CTNND2: variants seen among roughly 807,000 people sequenced by gnomAD.
CTNND2 encodes catenin delta 2.
In CTNND2, 22 loss-of-function variants were observed where a neutral mutation model predicts 144.4. That is an observed-to-expected ratio of 0.15 (90% CI 0.11 to 0.22). CTNND2 has a LOEUF of 0.22. Among genes scored for constraint, CTNND2 ranks in the 10% least tolerant of loss-of-function variants. The probability of loss-of-function intolerance (pLI) is 1.00; values close to 1 mark genes in which losing one functional copy is unlikely to be tolerated. For synonymous variants in CTNND2, 751 were observed against 695.6 expected (o/e 1.08, Z -1.25); for missense variants, 1,353 against 1,618.8 (o/e 0.84, Z 2.82).
chr5:11,792,440 A>G (rs1791185792), intron 1 of CTNND2, among the ~76,000 whole-genome samples: 1 of 152,234 alleles, frequency 6.6e-6, no homozygotes, highest in African/African-American at 2.4e-5. Context: ...TAAGTAATTC[A>G]AAAGTATTGG....
At chr5:11,013,340 C>G (rs866392838) in intron 18 of CTNND2, among the ~76,000 whole-genome samples, 2 of 152,168 alleles carry the variant, frequency 1.3e-5, no homozygotes, top group South Asian at 2.1e-4. Flanking sequence ...AATTGGCATG[C>G]AATTATCTCA....
At chr5:11,532,825 C>T (rs1561523280) in intron 3 of CTNND2, among the ~76,000 whole-genome samples, 1 of 152,184 alleles carries the variant, frequency 6.6e-6, no homozygotes, top group Non-Finnish European at 1.5e-5. Context: ...TCAGATGTTA[C>T]AGCAAGTGAC....
rs61753302 is a variant in CTNND2, at chr5:11,159,560, G to A, written c.2159+16C>T. The A allele has an allele frequency of 9.9e-4, 1,569 of 1,582,458 alleles. 9 individuals are homozygous for A. In the East Asian group the frequency reaches 0.018, roughly 18 times the overall value. On this transcript the variant is annotated intron_variant, in intron 12 of 21. Transcript: ENST00000304623. ...GGGAAGATGGTGGGAGGAGGCACTC[G>A]TGACACAGGACTGACCTTAGGCACC... is the stretch of plus-strand genomic sequence containing the variant.
rs150688239 is a variant in CTNND2 at position 11,687,717 on chromosome 5, C to T, written c.174+44419G>A. 2.8e-3 allele frequency among the ~76,000 whole-genome samples: 432 copies of T among 152,268 alleles called. 2 individuals carry two copies. The highest frequency in any genetic ancestry group is 9.4e-3 in the African/African-American group (392 of 41,552). ...TCACAAGAGGGGAAAAATCTTAGCC[C>T]TCATGGAGCACGTGTTCTAGTGGAG... On this transcript the variant is annotated intron_variant, in intron 2 of 21. Coordinates refer to ENST00000304623, the MANE Select transcript of CTNND2 (RefSeq NM_001332.4).
intron 3 of CTNND2, among the ~76,000 whole-genome samples, chr5:11,496,863 G>A (rs1210404048): frequency 2.0e-5 from 3 of 152,230 alleles, no homozygotes; most frequent in South Asian, 4.1e-4. Context: ...CCATAAAGCA[G>A]GACTGGTGAC....
intron 3 of CTNND2, among the ~76,000 whole-genome samples, chr5:11,433,873 G>T (rs1199506777): frequency 6.6e-6 from 1 of 152,188 alleles, no homozygotes; most frequent in Non-Finnish European, 1.5e-5. Context: ...CAAATAGGTG[G>T]TTGTGTAAAA....
At chr5:11,902,386 G>C (rs1737983281) in intron 1 of CTNND2, among the ~76,000 whole-genome samples, 1 of 152,140 alleles carries the variant, frequency 6.6e-6, no homozygotes, top group African/African-American at 2.4e-5. Flanking sequence ...GCCATAACTT[G>C]ATATGAGTCA....
chr5:11,030,673 C>A (rs1204757173), intron 16 of CTNND2, among the ~76,000 whole-genome samples: 12 of 148,812 alleles, frequency 8.1e-5, no homozygotes, highest in African/African-American at 2.7e-4. Context: ...TCCTTTAATT[C>A]TTTGAACATC....
intron 2 of CTNND2, among the ~76,000 whole-genome samples, chr5:11,726,884 G>T (rs1027919627): frequency 4.6e-5 from 7 of 152,160 alleles, no homozygotes; most frequent in South Asian, 4.1e-4. Context: ...GTATATAAGT[G>T]TCCTGAGAAG....
chr5:11,102,176 C>T (rs147276159), intron 14 of CTNND2, among the ~76,000 whole-genome samples: 169 of 152,130 alleles, frequency 1.1e-3, no homozygotes, highest in African/African-American at 3.7e-3. Context: ...TATATTTTAA[C>T]GAATAAAATT....
At chr5:11,497,894 C>G (rs994613948) in intron 3 of CTNND2, among the ~76,000 whole-genome samples, 3 of 152,102 alleles carry the variant, frequency 2.0e-5, no homozygotes, top group Non-Finnish European at 2.9e-5. Flanking sequence ...TAATGTGATT[C>G]AGCCAATGGG....
intron 1 of CTNND2, among the ~76,000 whole-genome samples, chr5:11,897,931 C>T (rs1737526766): frequency 6.6e-6 from 1 of 152,222 alleles, no homozygotes. Flanking sequence ...GCTGGCCTCT[C>T]TCCAGCTTTT....
At chr5:11,900,963 T>C (rs1348240104) in intron 1 of CTNND2, among the ~76,000 whole-genome samples, 3 of 152,120 alleles carry the variant, frequency 2.0e-5, no homozygotes, top group Admixed American at 6.5e-5. Context: ...GAAGTGAAAA[T>C]AATGTTCGCA....
At chr5:11,901,148 C>G (rs1397769709) in intron 1 of CTNND2, among the ~76,000 whole-genome samples, 1 of 152,128 alleles carries the variant, frequency 6.6e-6, no homozygotes, top group African/African-American at 2.4e-5. Context: ...TAAATTATTT[C>G]AAATGTAATG....
At chr5:11,381,385 G>C (rs936409031) in intron 7 of CTNND2, among the ~76,000 whole-genome samples, 1 of 152,150 alleles carries the variant, frequency 6.6e-6, no homozygotes, top group Non-Finnish European at 1.5e-5. Context: ...TTCTCCACAA[G>C]ACTTACAAGG....
intron 19 of CTNND2, 147 bp downstream of exon 19, chr5:10,992,404 G>A: frequency 8.7e-7 from 1 of 1,149,584 alleles, no homozygotes; most frequent in Non-Finnish European, 1.3e-6. Flanking sequence ...GGCCACCACA[G>A]TACAAAGAAC....
chr5:11,612,052 A>T (rs1439242442), intron 2 of CTNND2, among the ~76,000 whole-genome samples: 1 of 121,106 alleles, frequency 8.3e-6, no homozygotes, highest in Non-Finnish European at 1.8e-5. Flanking sequence ...TCCTAATATC[A>T]GGGGTTCACC....
intron 2 of CTNND2, among the ~76,000 whole-genome samples, chr5:11,621,888 T>G (rs1780862619): frequency 6.6e-6 from 1 of 152,238 alleles, no homozygotes; most frequent in Non-Finnish European, 1.5e-5. Context: ...TTCTATAAGC[T>G]GTCTTGAAGC....
chr5:11,036,291 A>AT (rs746281709), intron 16 of CTNND2, among the ~76,000 whole-genome samples: 2 of 152,164 alleles, frequency 1.3e-5, no homozygotes, highest in Admixed American at 6.5e-5. Flanking sequence ...TATTATAAAT[A>AT]TTATCATTCT....
Sources: allele counts gnomAD v4.1 joint callset (sites outside exome capture counted in the v4.1 genomes callset), GRCh38; gene constraint gnomAD v4.1.1; transcripts MANE v1.5; gene names NCBI Gene and HGNC (gene_info 2026-07-23, HGNC 2026-07-21).